GPD2: variants seen among roughly 807,000 people sequenced by gnomAD.
GPD2 encodes glycerol-3-phosphate dehydrogenase 2, also known as glycerol-3-phosphate dehydrogenase, mitochondrial.
In GPD2, 54 loss-of-function variants were observed where a neutral mutation model predicts 82.4. The observed-to-expected ratio is 0.66, with a 90% CI of 0.53 to 0.82. The LOEUF is 0.82. Ranked by LOEUF, GPD2 falls within the 40% of genes least tolerant of loss-of-function variation. The pLI, the probability that GPD2 is intolerant of heterozygous loss-of-function variation, is 0.00. For synonymous variants in GPD2, 288 were observed against 306.1 expected (o/e 0.94, Z 0.62); for missense variants, 748 against 896.2 (o/e 0.83, Z 2.11).
intron 1 of GPD2, among the ~76,000 whole-genome samples, chr2:156,459,510 C>G (rs1682907625): frequency 6.6e-6 from 1 of 151,326 alleles, no homozygotes; most frequent in Admixed American, 6.6e-5. Context: ...CATGGTGAAA[C>G]CTACTAAAAA....
At chr2:156,566,060 G>A (rs1022875537) in intron 9 of GPD2, among the ~76,000 whole-genome samples, 11 of 152,066 alleles carry the variant, frequency 7.2e-5, no homozygotes, top group Non-Finnish European at 1.6e-4. Context: ...CCCTGAATGG[G>A]ATTTATGGAT....
intron 1 of GPD2, among the ~76,000 whole-genome samples, chr2:156,467,982 A>T (rs939219095): frequency 2.0e-5 from 3 of 152,130 alleles, no homozygotes; most frequent in Non-Finnish European, 2.9e-5. Context: ...TCCCCACAGT[A>T]AAGTAAAACT....
chr2:156,581,878 G>A (rs1210908601), intron 16 of GPD2, among the ~76,000 whole-genome samples: 1 of 151,586 alleles, frequency 6.6e-6, no homozygotes, highest in African/African-American at 2.4e-5. Context: ...GTCTCTATAG[G>A]CTAAAAGCTA....
At chr2:156,486,875 G>A (rs1441694978) in intron 2 of GPD2, among the ~76,000 whole-genome samples, 1 of 152,188 alleles carries the variant, frequency 6.6e-6, no homozygotes, top group South Asian at 2.1e-4. Flanking sequence ...TGTAGCTGAA[G>A]GCCATCTAGA....
intron 1 of GPD2, among the ~76,000 whole-genome samples, chr2:156,465,518 T>A (rs963790448): frequency 6.6e-6 from 1 of 152,052 alleles, no homozygotes; most frequent in East Asian, 1.9e-4. Context: ...TGTGCCATCA[T>A]GCCCAGCTAA....
rs138311744 is a variant in GPD2, at chr2:156,494,843, T to C, written c.103-1201T>C. Among the ~76,000 whole-genome samples the C allele has an allele frequency of 2.8e-3, 426 of 152,364 alleles. 1 individual carries two copies. Among genetic ancestry groups the C allele is most frequent in the African/African-American group, 9.5e-3 (395 of 41,588 alleles). On this transcript the variant is annotated intron_variant, in intron 2 of 16. Transcript: ENST00000438166. ...TGTTTGCTATAGTGAACAAACCTAG[T>C]ATTAGCATTTTGGAAAAAAACCAAA...
At chr2:156,526,203 G>A (rs927004648) in intron 6 of GPD2, among the ~76,000 whole-genome samples, 73 of 152,112 alleles carry the variant, frequency 4.8e-4, no homozygotes. Flanking sequence ...TACAGCCTTA[G>A]CCATCAATAA....
chr2:156,468,096 G>C (rs1400643481), intron 1 of GPD2, among the ~76,000 whole-genome samples: 1 of 152,056 alleles, frequency 6.6e-6, no homozygotes, highest in Non-Finnish European at 1.5e-5. Context: ...CCTCCTTCAA[G>C]GGAATTGTAC....
At chr2:156,579,237 G>C (rs1687939110) in intron 15 of GPD2, 73 bp downstream of exon 15, 1 of 848,044 alleles carries the variant, frequency 1.2e-6, no homozygotes, top group Admixed American at 1.8e-5. Context: ...TTCTCATCTA[G>C]GGTTTTCTAC....
At chr2:156,403,636 T>TGTGC in the GPD2 span, among the ~76,000 whole-genome samples, 2 of 151,934 alleles carry the variant, frequency 1.3e-5, no homozygotes, top group African/African-American at 4.8e-5. Flanking sequence ...TGTGTGTGTG[T>TGTGC]GCGCCTGCAT....
At chr2:156,520,795 A>G (rs1685377305) in intron 6 of GPD2, among the ~76,000 whole-genome samples, 2 of 152,068 alleles carry the variant, frequency 1.3e-5, no homozygotes, top group Admixed American at 6.6e-5. Flanking sequence ...CATGTTGCCC[A>G]GGGTGGTTTC....
intron 1 of GPD2, among the ~76,000 whole-genome samples, chr2:156,462,108 A>T (rs1014878212): frequency 1.3e-5 from 2 of 152,216 alleles, no homozygotes; most frequent in Non-Finnish European, 2.9e-5. Context: ...ATATTTCTTT[A>T]AATGCAGGAG....
the GPD2 span, among the ~76,000 whole-genome samples, chr2:156,427,164 C>T: frequency 6.6e-6 from 1 of 152,242 alleles, no homozygotes; most frequent in Non-Finnish European, 1.5e-5. Flanking sequence ...ATGGCCTTGA[C>T]TGAGGCAGCT....
upstream of GPD2, among the ~76,000 whole-genome samples, chr2:156,434,731 A>G (rs139598035): frequency 3.1e-4 from 47 of 152,230 alleles, no homozygotes; most frequent in African/African-American, 1.1e-3. Context: ...TCATGATTCA[A>G]CTGGGGGAGC....
chr2:156,453,836 C>T (rs1248225646), intron 1 of GPD2, among the ~76,000 whole-genome samples: 1 of 152,130 alleles, frequency 6.6e-6, no homozygotes, highest in Non-Finnish European at 1.5e-5. Flanking sequence ...GAGATCACGC[C>T]ACTTCACTGC....
chr2:156,569,413 G>T lies in GPD2; in HGVS notation c.1351G>T (p.Ala451Ser). ...TATGGCAGAAGATACCATAAATGCT[G>T]CTGTCAAAACTCATAATTTAAAAGC... ...RSMAEDTINA[A>S]VKTHNLKAGP... is the part of the protein sequence containing the mutation. The change falls in exon 11 of 17, where the codon GCT becomes TCT. Residue 451 changes from alanine to serine, a missense_variant. Physicochemically the swap from Ala to Ser is moderately conservative, Grantham distance 99. Coordinates refer to ENST00000438166, the MANE Select transcript of GPD2 (RefSeq NM_000408.5). 6.2e-7 allele frequency: 1 copy of T among 1,611,650 alleles called. No homozygotes were observed. The highest frequency in any genetic ancestry group is 8.5e-7 in the Non-Finnish European group (1 of 1,177,930).
intron 8 of GPD2, among the ~76,000 whole-genome samples, chr2:156,552,112 T>TA (rs1173617057): frequency 6.6e-6 from 1 of 152,206 alleles, no homozygotes; most frequent in East Asian, 1.9e-4. Context: ...TGGTACCAGA[T>TA]ACACTTCTGA....
intron 1 of GPD2, among the ~76,000 whole-genome samples, chr2:156,452,556 T>TGGGGAGA (rs914888502): frequency 2.6e-5 from 4 of 151,812 alleles, no homozygotes; most frequent in South Asian, 2.1e-4. Flanking sequence ...AGGGAGACCG[T>TGGGGAGA]GGGGAGAGGG....
chr2:156,568,893 G>A lies in GPD2; in HGVS notation c.1234G>A (p.Asp412Asn), dbSNP rs1373413999. Residue 412 changes from aspartate (D) to asparagine (N), a missense_variant, in exon 10 of 17, where the codon GAT (aspartate) becomes AAT (asparagine). By Grantham distance (23) the Asp-to-Asn change is conservative. Around this residue, in one of 3 missense-constraint regions of GPD2, gnomAD observed 692 missense variants for 809.7 expected, o/e 0.85. Coordinates refer to ENST00000438166, the MANE Select transcript of GPD2 (RefSeq NM_000408.5). ...RPLVTDPKSA[D>N]TQSISRNHVV... Reference sequence around the variant, plus strand: ...TCTTGTTACAGACCCCAAATCTGCAGATACTCAGTCTATCTCCCGAAATCA... The same window carrying A: ...TCTTGTTACAGACCCCAAATCTGCAAATACTCAGTCTATCTCCCGAAATCA... The A allele has an allele frequency of 6.2e-7, 1 of 1,612,244 alleles. No individual in the cohort carries two copies. The highest frequency in any genetic ancestry group is 2.2e-5 in the East Asian group (1 of 44,862).
Sources: allele counts gnomAD v4.1 joint callset (sites outside exome capture counted in the v4.1 genomes callset), GRCh38; gene constraint gnomAD v4.1.1; regional missense constraint gnomAD v4.1.1; transcripts MANE v1.5; gene names NCBI Gene and HGNC (gene_info 2026-07-23, HGNC 2026-07-21).